The following ACSM3 variants were observed in gnomAD, a reference collection of about 807,000 sequenced individuals.
ACSM3 encodes the protein acyl-CoA synthetase medium chain family member 3, also known as acyl-coenzyme A synthetase ACSM3, mitochondrial.
ACSM3 carries 61 observed loss-of-function variants against 74.1 expected under a neutral mutation model. The ratio of observed to expected loss-of-function variants is 0.82; its 90% CI spans 0.67 to 1.02. The LOEUF (loss-of-function observed/expected upper bound fraction) is 1.02, where lower values mean the gene tolerates loss of function less well. Ranked by LOEUF, ACSM3 falls within the 50% of genes least tolerant of loss-of-function variation. The pLI is 0.00. For missense variants in ACSM3, 660 were observed against 697.0 expected (o/e 0.95, Z 0.60); for synonymous variants, 213 against 241.5 (o/e 0.88, Z 1.09).
chr16:20,715,782 T>C (rs1398163419), intron 1 of ACSM3, among the ~76,000 whole-genome samples: 1 of 152,180 alleles, frequency 6.6e-6, no homozygotes, highest in Non-Finnish European at 1.5e-5. Flanking sequence ...CAGTTACCCA[T>C]CACTGAGTAA....
At chr16:20,773,982 A>G (rs1222568586) in intron 2 of ACSM3, among the ~76,000 whole-genome samples, 1 of 152,168 alleles carries the variant, frequency 6.6e-6, no homozygotes, top group Non-Finnish European at 1.5e-5. Context: ...ACATTGTTGT[A>G]TTGGAGTCTA....
intron 1 of ACSM3, chr16:20,736,554 C>A: frequency 4.2e-6 from 1 of 237,172 alleles, no homozygotes; most frequent in Non-Finnish European, 8.2e-6. Flanking sequence ...GAAAACTTCC[C>A]TCTGATTTTC....
intron 1 of ACSM3, among the ~76,000 whole-genome samples, chr16:20,768,108 A>T (rs1278830282): frequency 6.6e-6 from 1 of 152,204 alleles, no homozygotes; most frequent in Non-Finnish European, 1.5e-5. Flanking sequence ...CCCCTATTCT[A>T]GTAGAGAGTA....
chr16:20,795,046 CA>C (rs2080691727), intron 12 of ACSM3, among the ~76,000 whole-genome samples: 1 of 152,176 alleles, frequency 6.6e-6, no homozygotes, highest in African/African-American at 2.4e-5. Flanking sequence ...AATGTTAATG[CA>C]GCAGAGCTAG....
chr16:20,786,207 C>T (rs1159035441), intron 9 of ACSM3, 49 bp downstream of exon 9: 2 of 1,587,134 alleles, frequency 1.3e-6, no homozygotes, highest in Non-Finnish European at 8.6e-7. Flanking sequence ...AATCTGTACA[C>T]TACCTACCTA....
intron 1 of ACSM3, chr16:20,735,524 G>C (rs777015560): frequency 6.6e-6 from 1 of 151,142 alleles, no homozygotes; most frequent in Non-Finnish European, 1.5e-5. Flanking sequence ...GTCAACATCA[G>C]GATTTCTTTT....
intron 1 of ACSM3, among the ~76,000 whole-genome samples, chr16:20,692,600 C>A (rs2079664534): frequency 6.6e-6 from 1 of 152,024 alleles, no homozygotes; most frequent in Admixed American, 6.6e-5. Flanking sequence ...TTGATTGTCT[C>A]CTGGATCTGG....
chr16:20,689,277 TA>T (rs2079610543), intron 1 of ACSM3, among the ~76,000 whole-genome samples: 1 of 152,038 alleles, frequency 6.6e-6, no homozygotes. Flanking sequence ...ATTCCCATGG[TA>T]ACCACAAGGC....
chr16:20,725,989 C>T (rs1281078445), intron 1 of ACSM3, among the ~76,000 whole-genome samples: 4 of 152,008 alleles, frequency 2.6e-5, no homozygotes, highest in East Asian at 1.9e-4. Context: ...AAAAAAAGTC[C>T]CTAGACACTG....
intron 1 of ACSM3, among the ~76,000 whole-genome samples, chr16:20,685,815 G>GAC (rs2079538338): frequency 1.3e-5 from 1 of 78,984 alleles, no homozygotes; most frequent in Non-Finnish European, 2.7e-5. Context: ...GTGAGACTCC[G>GAC]TCTCAAAAAA....
intron 1 of ACSM3, chr16:20,728,417 A>T: frequency 7.0e-7 from 1 of 1,435,616 alleles, no homozygotes. Flanking sequence ...ATGTTCTACC[A>T]CCTGGCAAAG....
chr16:20,717,935 AG>A (rs1425537288), intron 1 of ACSM3, among the ~76,000 whole-genome samples: 6 of 141,432 alleles, frequency 4.2e-5, no homozygotes, highest in African/African-American at 7.8e-5. Flanking sequence ...GAGAAGGAGA[AG>A]GAGAAGAGGA....
chr16:20,727,859 A>G (rs920081747), intron 1 of ACSM3, among the ~76,000 whole-genome samples: 1 of 152,204 alleles, frequency 6.6e-6, no homozygotes, highest in East Asian at 1.9e-4. Flanking sequence ...TCCCCAAACC[A>G]GCAACATCAG....
intron 1 of ACSM3, among the ~76,000 whole-genome samples, chr16:20,722,896 GTAT>G (rs1243546992): frequency 6.6e-6 from 1 of 152,034 alleles, no homozygotes; most frequent in East Asian, 1.9e-4. Flanking sequence ...CTTTTTATTA[GTAT>G]TATTATTATA....
chr16:20,697,983 A>G (rs938538277), intron 1 of ACSM3, among the ~76,000 whole-genome samples: 35 of 152,216 alleles, frequency 2.3e-4, no homozygotes, highest in Non-Finnish European at 4.7e-4. Context: ...TCACGAGGTC[A>G]GGAGATGGAG....
At chr16:20,787,670 T>C (rs1383492188) in intron 9 of ACSM3, among the ~76,000 whole-genome samples, 1 of 152,222 alleles carries the variant, frequency 6.6e-6, no homozygotes, top group Admixed American at 6.5e-5. Context: ...AACCAGATCC[T>C]GGGTCCTTTC....
intron 1 of ACSM3, among the ~76,000 whole-genome samples, chr16:20,688,100 A>G (rs2079586428): frequency 6.6e-6 from 1 of 151,816 alleles, no homozygotes; most frequent in Non-Finnish European, 1.5e-5. Flanking sequence ...AAAAAAAAAG[A>G]AAGAACCAAA....
At chr16:20,747,577 C>G (rs1275684579) in intron 1 of ACSM3, among the ~76,000 whole-genome samples, 2 of 152,216 alleles carry the variant, frequency 1.3e-5, no homozygotes, top group Non-Finnish European at 2.9e-5. Context: ...ATTGGTCTCT[C>G]CTGTCCCTTA....
chr16:20,790,517 GCAAAGTTAATATT>G lies in ACSM3; in HGVS notation c.1225-69_1225-57del. The G allele has an allele frequency of 7.0e-7, 1 of 1,435,688 alleles. No individual in the cohort carries two copies. Among genetic ancestry groups the G allele is most frequent in the Non-Finnish European group, 9.6e-7 (1 of 1,039,724 alleles). 88.9% of individuals were successfully genotyped at this position (1,435,688 alleles called of 1,614,324 possible). A position where few individuals can be genotyped will look rare whatever the true frequency, so the allele number is the denominator to read the frequency against. ...AATGGCAAAAGCCAAAATAAAACTTGCAAAGTTAATATTTAAGCTGCGACATTAAACAAAAATT... is the reference window on the plus strand; with the variant it reads ...AATGGCAAAAGCCAAAATAAAACTTGTAAGCTGCGACATTAAACAAAAATT... On this transcript the variant is annotated intron_variant, in intron 9 of 13. Coordinates refer to ENST00000289416, the MANE Select transcript of ACSM3 (RefSeq NM_005622.4). This position sits in a 1 kb window ranked among gnomAD's most constrained non-coding sequence, Gnocchi z 4.0.
Sources: gnomAD v4.1 joint callset for allele counts (sites outside exome capture counted in the v4.1 genomes callset) on GRCh38, gnomAD v4.1.1 for gene constraint, Gnocchi (gnomAD v3.1) non-coding constraint, MANE v1.5 for transcripts, NCBI Gene and HGNC (gene_info 2026-07-23, HGNC 2026-07-21) for gene names.